Variants in NEMP2 observed in about 807,000 individuals in gnomAD.
The protein encoded by NEMP2 is nuclear envelope integral membrane protein 2.
Under a neutral mutation model 54.2 loss-of-function variants are expected in NEMP2, and 53 were observed. That is an observed-to-expected ratio of 0.98 (90% CI 0.78 to 1.23). The LOEUF is 1.23. Among genes scored for constraint, NEMP2 ranks in the 50% most tolerant of loss-of-function variants. NEMP2 has a pLI of 0.00. For synonymous variants in NEMP2, 197 were observed against 190.3 expected, an observed-to-expected ratio of 1.04 and a Z score of -0.29; for missense variants, 455 against 511.3, an observed-to-expected ratio of 0.89 and a Z score of 1.06.
chr2:190,518,596 C>T (rs1690644425), intron 4 of NEMP2, 140 bp downstream of exon 4: 2 of 632,974 alleles, frequency 3.2e-6, no homozygotes, highest in South Asian at 2.4e-5. Context: ...CTTTCCAATA[C>T]CATCTTCAGA....
the NEMP2 span, among the ~76,000 whole-genome samples, chr2:190,601,453 G>A: frequency 6.6e-6 from 1 of 152,334 alleles, no homozygotes; most frequent in Admixed American, 6.5e-5. The surrounding 1 kb of genome is among the most constrained non-coding windows in gnomAD (Gnocchi z 5.8). Context: ...GCAATGGCAG[G>A]CCTACGTTGG....
At chr2:190,553,676 A>C in the NEMP2 span, among the ~76,000 whole-genome samples, 13 of 152,202 alleles carry the variant, frequency 8.5e-5, no homozygotes, top group African/African-American at 3.1e-4. Context: ...GTTGCTGAAC[A>C]TGAGTAGCTT....
At position 190,514,588 on chromosome 2, in the gene NEMP2, C is replaced by T. The variant is rs1413959671; in HGVS notation, c.818G>A (p.Trp273Ter). ...AACCAGGGAGAGGAGTCGCAGCATC[C>T]ACATCAGAAGACTTCTGCTCCTGTC... ...ADDRSRSLLM[W>*]MLRLLSLVLV... Residue 273 changes from tryptophan to a stop codon, truncating the protein, a stop_gained, in exon 7 of 9, where the codon TGG (tryptophan) becomes TAG (stop). Coordinates refer to ENST00000409150, the MANE Select transcript of NEMP2 (RefSeq NM_001142645.2). LOFTEE classifies it high-confidence loss of function. This position sits in a 1 kb window ranked among gnomAD's most constrained non-coding sequence, Gnocchi z 5.7. 1 of 1,551,622 alleles carries T rather than the reference C, an allele frequency of 6.4e-7. No homozygotes were observed. Among genetic ancestry groups the T allele is most frequent in the Admixed American group, 2.0e-5 (1 of 50,982 alleles).
chr2:190,461,426 G>A, the NEMP2 span, among the ~76,000 whole-genome samples: 2 of 152,162 alleles, frequency 1.3e-5, no homozygotes, highest in South Asian at 4.2e-4. The surrounding 1 kb of genome is among the most constrained non-coding windows in gnomAD (Gnocchi z 5.5). Flanking sequence ...GAGATATTCT[G>A]TTCATATGTA....
At chr2:190,543,527 C>T in the NEMP2 span, among the ~76,000 whole-genome samples, 1 of 152,144 alleles carries the variant, frequency 6.6e-6, no homozygotes, top group African/African-American at 2.4e-5. The surrounding 1 kb of genome is among the most constrained non-coding windows in gnomAD (Gnocchi z 4.7). Context: ...CCTGAAATAC[C>T]ACACACTTGG....
chr2:190,447,104 G>A, the NEMP2 span, among the ~76,000 whole-genome samples: 1 of 151,998 alleles, frequency 6.6e-6, no homozygotes, highest in Non-Finnish European at 1.5e-5. This position sits in a 1 kb window ranked among gnomAD's most constrained non-coding sequence, Gnocchi z 4.5. Flanking sequence ...AAAAAAACTT[G>A]AAAGGATGTC....
At chr2:190,471,263 C>T in the NEMP2 span, among the ~76,000 whole-genome samples, 7 of 152,272 alleles carry the variant, frequency 4.6e-5, no homozygotes, top group South Asian at 2.1e-4. This position sits in a 1 kb window ranked among gnomAD's most constrained non-coding sequence, Gnocchi z 4.7. Context: ...GGGTGCAGCG[C>T]GGTGAGCGTG....
At chr2:190,423,334 A>G in the NEMP2 span, among the ~76,000 whole-genome samples, 1 of 152,126 alleles carries the variant, frequency 6.6e-6, no homozygotes, top group Non-Finnish European at 1.5e-5. The surrounding 1 kb of genome is among the most constrained non-coding windows in gnomAD (Gnocchi z 4.3). Context: ...GTCTATCTCT[A>G]TTTCAATGAT....
the NEMP2 span, among the ~76,000 whole-genome samples, chr2:190,635,580 T>C: frequency 6.6e-6 from 1 of 152,252 alleles, no homozygotes; most frequent in Admixed American, 6.5e-5. The surrounding 1 kb of genome is among the most constrained non-coding windows in gnomAD (Gnocchi z 4.1). Context: ...ATGGGAGATA[T>C]GCATATCTAT....
At chr2:190,619,908 A>T in the NEMP2 span, among the ~76,000 whole-genome samples, 1 of 152,192 alleles carries the variant, frequency 6.6e-6, no homozygotes, top group Non-Finnish European at 1.5e-5. The surrounding 1 kb of genome is among the most constrained non-coding windows in gnomAD (Gnocchi z 5.5). Context: ...ATCCTGCCAT[A>T]CTGTGTTTTC....
At chr2:190,482,770 G>A in the NEMP2 span, among the ~76,000 whole-genome samples, 1,704 of 149,130 alleles carry the variant, frequency 0.011, 39 homozygotes, top group African/African-American at 0.039. Context: ...TCAGATACCA[G>A]TGTTGAGTGT....
chr2:190,439,065 A>C, the NEMP2 span, among the ~76,000 whole-genome samples: 1 of 152,060 alleles, frequency 6.6e-6, no homozygotes, highest in South Asian at 2.1e-4. The surrounding 1 kb of genome is among the most constrained non-coding windows in gnomAD (Gnocchi z 5.8). Flanking sequence ...GAGCCCACAT[A>C]ATATTAAGGA....
At chr2:190,434,595 A>G in the NEMP2 span, among the ~76,000 whole-genome samples, 1 of 152,058 alleles carries the variant, frequency 6.6e-6, no homozygotes, top group Non-Finnish European at 1.5e-5. This position sits in a 1 kb window ranked among gnomAD's most constrained non-coding sequence, Gnocchi z 4.3. Context: ...CACCAGGCCC[A>G]GCTAATTCTT....
chr2:190,526,077 G>A (rs1446983488), intron 1 of NEMP2, among the ~76,000 whole-genome samples: 1 of 152,142 alleles, frequency 6.6e-6, no homozygotes, highest in African/African-American at 2.4e-5. Flanking sequence ...CTAACAATAA[G>A]GCACTATGAA....
At chr2:190,625,206 G>A in the NEMP2 span, 1 of 152,036 alleles carries the variant, frequency 6.6e-6, no homozygotes, top group Admixed American at 6.6e-5. Context: ...CAACCCAAAT[G>A]TCCATCAGCT....
chr2:190,580,475 G>A, the NEMP2 span, among the ~76,000 whole-genome samples: 8 of 152,234 alleles, frequency 5.3e-5, no homozygotes, highest in East Asian at 3.9e-4. This position sits in a 1 kb window ranked among gnomAD's most constrained non-coding sequence, Gnocchi z 5.3. Flanking sequence ...TTTTGGTCCC[G>A]TCTTCCCTGC....
chr2:190,604,660 T>C, the NEMP2 span, among the ~76,000 whole-genome samples: 3 of 152,152 alleles, frequency 2.0e-5, no homozygotes, highest in Non-Finnish European at 2.9e-5. The surrounding 1 kb of genome is among the most constrained non-coding windows in gnomAD (Gnocchi z 4.5). Context: ...AGCTTGGGTT[T>C]CTTCAGCTCC....
At chr2:190,558,232 A>G in the NEMP2 span, among the ~76,000 whole-genome samples, 1 of 152,206 alleles carries the variant, frequency 6.6e-6, no homozygotes, top group Admixed American at 6.5e-5. This position sits in a 1 kb window ranked among gnomAD's most constrained non-coding sequence, Gnocchi z 4.4. Context: ...ACAGAAAACC[A>G]AACACTGCAT....
the NEMP2 span, chr2:190,436,787 G>A: frequency 6.2e-7 from 1 of 1,614,152 alleles, no homozygotes; most frequent in South Asian, 1.1e-5. This position sits in a 1 kb window ranked among gnomAD's most constrained non-coding sequence, Gnocchi z 5.3. Context: ...GTCTCCCCAG[G>A]AAGCGTAACC....
Sources: gnomAD v4.1 joint callset for allele counts (sites outside exome capture counted in the v4.1 genomes callset) on GRCh38, gnomAD v4.1.1 for gene constraint, Gnocchi (gnomAD v3.1) non-coding constraint, MANE v1.5 for transcripts, NCBI Gene and HGNC (gene_info 2026-07-23, HGNC 2026-07-21) for gene names.